The following MYO18B variants were observed in gnomAD, a reference collection of about 807,000 sequenced individuals.
The protein encoded by MYO18B is unconventional myosin-XVIIIb.
MYO18B carries 204 observed loss-of-function variants against 273.0 expected under a neutral mutation model. The ratio of observed to expected loss-of-function variants is 0.75; its 90% CI spans 0.67 to 0.84. MYO18B has a LOEUF of 0.84. MYO18B is among the 40% of genes least tolerant of loss of function. MYO18B has a pLI of 0.00. For synonymous variants in MYO18B, 1,330 were observed against 1,305.7 expected (o/e 1.02, Z -0.40); for missense variants, 3,212 against 3,287.6 (o/e 0.98, Z 0.56).
intron 1 of MYO18B, among the ~76,000 whole-genome samples, chr22:25,755,588 G>A (rs531324570): frequency 2.6e-5 from 4 of 152,306 alleles, no homozygotes; most frequent in South Asian, 2.1e-4. Context: ...CGTGTCATCC[G>A]CAGTGTTGGA....
chr22:25,987,865 C>T (rs575000476), intron 39 of MYO18B, among the ~76,000 whole-genome samples: 11 of 152,220 alleles, frequency 7.2e-5, no homozygotes, highest in South Asian at 2.1e-4. Context: ...TAGATTATCC[C>T]GGGAATGTGG....
the MYO18B span, among the ~76,000 whole-genome samples, chr22:26,061,326 C>G: frequency 2.0e-5 from 3 of 152,140 alleles, no homozygotes; most frequent in Non-Finnish European, 4.4e-5. Flanking sequence ...TGGATCCTGA[C>G]AGGTCCAGGT....
At chr22:25,834,456 C>G (rs752599165) in intron 16 of MYO18B, among the ~76,000 whole-genome samples, 5 of 152,144 alleles carry the variant, frequency 3.3e-5, no homozygotes, top group Non-Finnish European at 5.9e-5. Flanking sequence ...TGGATGTGCC[C>G]CTTCCCCTCT....
At chr22:25,787,713 T>G (rs893490282) in intron 11 of MYO18B, among the ~76,000 whole-genome samples, 1 of 152,170 alleles carries the variant, frequency 6.6e-6, no homozygotes, top group South Asian at 2.1e-4. Context: ...GCAACGAGGC[T>G]GGCATTCTTG....
chr22:25,960,503 G>T (rs1177316267), intron 39 of MYO18B, among the ~76,000 whole-genome samples: 1 of 152,122 alleles, frequency 6.6e-6, no homozygotes, highest in African/African-American at 2.4e-5. Flanking sequence ...ACTTTCCCCT[G>T]ATCCAGGTGT....
chr22:26,042,851 C>G, the MYO18B span, among the ~76,000 whole-genome samples: 3 of 152,222 alleles, frequency 2.0e-5, no homozygotes, highest in Non-Finnish European at 2.9e-5. Flanking sequence ...TTCATGGCAC[C>G]GGACCTTGGT....
At position 25,902,661 on chromosome 22, in the gene MYO18B, G is replaced by C. The variant is rs984935094; in HGVS notation, c.4872G>C (p.Lys1624Asn). ...CCCTAGGTGAGTCAGTGTTTGAGAA[G>C]GGTCTCCGTGAGAAAGTGACCCAGG... ...AQALGESVFE[K>N]GLREKVTQEN... Residue 1624 changes from lysine (K) to asparagine (N), a missense_variant, in exon 30 of 44, where the codon AAG becomes AAC. By Grantham distance (94) the Lys-to-Asn change is moderately conservative (BLOSUM62 0). Coordinates refer to ENST00000335473, the MANE Select transcript of MYO18B (RefSeq NM_032608.7). 8 of 1,602,272 alleles carry C rather than the reference G, an allele frequency of 5.0e-6. No individual in the cohort carries two copies. Among genetic ancestry groups the C allele is most frequent in the Middle Eastern group, 3.3e-4 (2 of 6,050 alleles).
At chr22:26,050,989 G>A in the MYO18B span, among the ~76,000 whole-genome samples, 1 of 152,184 alleles carries the variant, frequency 6.6e-6, no homozygotes, top group African/African-American at 2.4e-5. Flanking sequence ...TTTAAGGATA[G>A]ATATGGTTCT....
At chr22:26,013,415 T>C (rs1389653372) in intron 42 of MYO18B, among the ~76,000 whole-genome samples, 1 of 152,186 alleles carries the variant, frequency 6.6e-6, no homozygotes, top group Non-Finnish European at 1.5e-5. Flanking sequence ...TGTGTGAACA[T>C]AGAGTAATAA....
In MYO18B at chr22:25,875,988, A is replaced by G. The variant is rs570008469; in HGVS notation, c.4081-201A>G. 2.0e-5 allele frequency among the ~76,000 whole-genome samples: 3 copies of G among 150,460 alleles called. No homozygotes were observed. In the South Asian group the frequency reaches 6.4e-4, roughly 32 times the overall value. ...GAGAGCCTGACATATCAAAAAGACT[A>G]CAAGAAAGGAAGCCCGTGTGTGTGT... On this transcript the variant is annotated intron_variant, in intron 23 of 43. Transcript: ENST00000335473.
intron 34 of MYO18B, among the ~76,000 whole-genome samples, chr22:25,934,303 T>C (rs1010939110): frequency 6.6e-6 from 1 of 152,212 alleles, no homozygotes; most frequent in Non-Finnish European, 1.5e-5. Context: ...TTCTTGATTT[T>C]GATGTAATCT....
intron 33 of MYO18B, among the ~76,000 whole-genome samples, chr22:25,920,134 C>T (rs1163756071): frequency 1.3e-5 from 2 of 152,180 alleles, no homozygotes; most frequent in Non-Finnish European, 2.9e-5. Flanking sequence ...ACATTCTGAG[C>T]ATCCCAGGAA....
rs1432756622 is a variant in MYO18B at position 25,768,289 on chromosome 22, G to A, written c.373G>A (p.Gly125Ser). The change falls in exon 4 of 44, where the codon GGT (glycine) becomes AGT (serine). Residue 125 changes from glycine to serine, a missense_variant. Transcript: ENST00000335473. ...CCCTGAGCAGATGACAAGCATCAAT[G>A]GTGAGAAGGCCCAGGAGCTGGGCTC... The part of the protein sequence containing the change: ...PDPEQMTSIN[G>S]EKAQELGSSA... 1 of 1,613,972 alleles carries A rather than the reference G, an allele frequency of 6.2e-7. No individual in the cohort carries two copies. Among genetic ancestry groups the A allele is most frequent in the Non-Finnish European group, 8.5e-7 (1 of 1,179,876 alleles).
chr22:25,819,248 C>T (rs1185217166), intron 12 of MYO18B, among the ~76,000 whole-genome samples: 1 of 152,220 alleles, frequency 6.6e-6, no homozygotes, highest in Non-Finnish European at 1.5e-5. Context: ...CCCCCTAGGT[C>T]AGGCAGGATT....
intron 29 of MYO18B, among the ~76,000 whole-genome samples, 187 bp from the exon 30 acceptor site, chr22:25,902,426 T>G (rs1409145082): frequency 6.6e-6 from 1 of 152,214 alleles, no homozygotes; most frequent in Admixed American, 6.5e-5. Flanking sequence ...ATCCACAGCC[T>G]TACGTAAAAG....
Position 25,969,278 on chromosome 22 carries a change from C to T in MYO18B, c.6156+13914C>T, listed in dbSNP as rs368644005. 7.2e-5 allele frequency among the ~76,000 whole-genome samples: 11 copies of T among 152,310 alleles called. No individual in the cohort carries two copies. The East Asian group carries it at 9.7e-4, about 13-fold the overall frequency. On this transcript the variant is annotated intron_variant, in intron 39 of 43. Transcript: ENST00000335473. ...GCAAGGAGGTATCCAGAGATTACCACGTTTTTTTCTTCTTTTAAGTAGCCA... is the reference window on the plus strand; with the variant it reads ...GCAAGGAGGTATCCAGAGATTACCATGTTTTTTTCTTCTTTTAAGTAGCCA...
At chr22:26,008,983 G>T (rs1934668135) in intron 42 of MYO18B, among the ~76,000 whole-genome samples, 1 of 152,166 alleles carries the variant, frequency 6.6e-6, no homozygotes, top group Admixed American at 6.5e-5. Context: ...ACCCTGTTCT[G>T]CAAGGTCCAC....
chr22:25,817,254 CTTCTTT>C (rs1485821930), intron 12 of MYO18B, among the ~76,000 whole-genome samples: 2 of 150,978 alleles, frequency 1.3e-5, no homozygotes. Context: ...CTCTTTCTTT[CTTCTTT>C]TTCTTTTTCT....
chr22:25,836,948 G>A (rs939203257), intron 17 of MYO18B, among the ~76,000 whole-genome samples: 4 of 149,218 alleles, frequency 2.7e-5, no homozygotes, highest in African/African-American at 4.9e-5. Context: ...GACAACAAGA[G>A]TGAAATTCCA....
Sources: gnomAD v4.1 joint callset for allele counts (sites outside exome capture counted in the v4.1 genomes callset) on GRCh38, gnomAD v4.1.1 for gene constraint, MANE v1.5 for transcripts, NCBI Gene and HGNC (gene_info 2026-07-23, HGNC 2026-07-21) for gene names.